MAG: variants seen among roughly 807,000 people sequenced by gnomAD.
MAG encodes myelin-associated glycoprotein.
A neutral mutation model predicts 60.7 loss-of-function variants in MAG; 30 were observed. The observed-to-expected ratio is 0.49, with a 90% confidence interval of 0.37 to 0.67. The LOEUF (loss-of-function observed/expected upper bound fraction) is 0.67, where lower values mean the gene tolerates loss of function less well. Ranked by LOEUF, MAG falls within the 30% of genes least tolerant of loss-of-function variation. The pLI, the probability that MAG is intolerant of heterozygous loss-of-function variation, is 0.00. For synonymous variants in MAG, 384 were observed against 376.8 expected, an observed-to-expected ratio of 1.02 and a Z score of -0.22; for missense variants, 795 against 851.7, an observed-to-expected ratio of 0.93 and a Z score of 0.83.
chr19:35,299,784 G>A lies in MAG; in HGVS notation c.646G>A (p.Gly216Ser). Residue 216 changes from glycine (G) to serine (S), a missense_variant, in exon 5 of 11, where the codon GGC (glycine) becomes AGC (serine). Gly to Ser is a moderately conservative substitution (Grantham distance 56). Coordinates refer to ENST00000392213, the MANE Select transcript of MAG (RefSeq NM_002361.4). ...GAGGGAGGCCAACGGCCACAGGCTG[G>A]GCTGCCAGGCCTCCTTCCCCAACAC... ...PTREANGHRL[G>S]CQASFPNTTL... 1 of 1,544,604 alleles carries A rather than the reference G, an allele frequency of 6.5e-7. No homozygotes were observed. The highest frequency in any genetic ancestry group is 2.4e-5 in the East Asian group (1 of 41,330).
At chr19:35,312,097 G>C in intron 10 of MAG, 80 bp downstream of exon 10, 1 of 1,411,110 alleles carries the variant, frequency 7.1e-7, no homozygotes, top group Non-Finnish European at 1.0e-6. Context: ...GTGAGGCCAA[G>C]GGGCAGGGGA....
chr19:35,305,454 T>G (rs1349963614), intron 7 of MAG, among the ~76,000 whole-genome samples: 1 of 152,182 alleles, frequency 6.6e-6, no homozygotes, highest in Non-Finnish European at 1.5e-5. Flanking sequence ...ACCATGTGAT[T>G]GAGGGGAGGG....
intron 4 of MAG, among the ~76,000 whole-genome samples, chr19:35,299,253 C>T (rs1434189130): frequency 1.3e-5 from 2 of 152,200 alleles, no homozygotes; most frequent in Non-Finnish European, 2.9e-5. Flanking sequence ...AGCAAAATTA[C>T]AGTCCTCACC....
chr19:35,302,818 G>C, intron 7 of MAG, 110 bp downstream of exon 7: 1 of 1,343,878 alleles, frequency 7.4e-7, no homozygotes, highest in Admixed American at 2.1e-5. Context: ...CCTGTCCTCC[G>C]CAGAGACAAG....
At chr19:35,292,370 C>T (rs886723044) in intron 1 of MAG, among the ~76,000 whole-genome samples, 166 bp downstream of exon 1, 5 of 151,972 alleles carry the variant, frequency 3.3e-5, no homozygotes, top group South Asian at 2.1e-4. Flanking sequence ...GGGATGGGCT[C>T]GGACCATCGC....
chr19:35,305,357 A>C (rs1384220204), intron 7 of MAG, among the ~76,000 whole-genome samples: 1 of 152,226 alleles, frequency 6.6e-6, no homozygotes, highest in Non-Finnish European at 1.5e-5. Flanking sequence ...CGGGGCATGC[A>C]GGAAGTGTGC....
intron 7 of MAG, among the ~76,000 whole-genome samples, chr19:35,304,912 G>A (rs1174810605): frequency 4.6e-5 from 7 of 152,108 alleles, no homozygotes; most frequent in African/African-American, 1.2e-4. Context: ...CTTTACCAAG[G>A]AGAAAACTCA....
At chr19:35,303,437 C>T (rs574859478) in intron 7 of MAG, among the ~76,000 whole-genome samples, 10 of 152,140 alleles carry the variant, frequency 6.6e-5, no homozygotes, top group African/African-American at 2.4e-4. Context: ...GAGAAGGAAA[C>T]TGAGACCCAG....
At chr19:35,292,644 G>GGTGTGTGTGTGTGT (rs74172714) in intron 1 of MAG, among the ~76,000 whole-genome samples, 1 of 149,996 alleles carries the variant, frequency 6.7e-6, no homozygotes, top group South Asian at 2.1e-4. Context: ...GCACATAGCA[G>GGTGTGTGTGTGTGT]GTGTGTGTGT....
rs776657716 is a variant in MAG, at chr19:35,310,099, T to C, written c.1457T>C (p.Val486Ala). The C allele has an allele frequency of 1.2e-5, 19 of 1,612,752 alleles. No individual in the cohort carries two copies. The South Asian group carries it at 1.5e-4, about 13-fold the overall frequency. Residue 486 changes from valine to alanine, a missense_variant, in exon 8 of 11, where the codon GTC (valine) becomes GCC (alanine). Val to Ala is a moderately conservative substitution (Grantham distance 64). Coordinates refer to ENST00000392213, the MANE Select transcript of MAG (RefSeq NM_002361.4). ...LRGQAQAPPR[V>A]ICTARNLYGA... is the part of the protein sequence containing the mutation. ...GGGCAGGCCCAGGCCCCGCCCCGCG[T>C]CATCTGCACCGCGAGGAACCTCTAT...
rs1400463320 is a variant in MAG at position 35,293,688 on chromosome 19, G to C, written c.-79-547G>C. Among the ~76,000 whole-genome samples the C allele has an allele frequency of 3.3e-5, 5 of 151,988 alleles. No individual in the cohort carries two copies. The highest frequency in any genetic ancestry group is 7.4e-5 in the Non-Finnish European group (5 of 67,982). On this transcript the variant is annotated intron_variant, in intron 1 of 10. Coordinates refer to ENST00000392213, the MANE Select transcript of MAG (RefSeq NM_002361.4). This position sits in a 1 kb window ranked among gnomAD's most constrained non-coding sequence, Gnocchi z 4.0. ...TGGGCCTTCCTGGCCCTGCTCAAAG[G>C]CCAGCCAGGAGTGCCTGACCCCTTT...
chr19:35,311,997 G>T lies in MAG; in HGVS notation c.1696G>T (p.Gly566Trp). The change falls in exon 10 of 11, where the codon GGG becomes TGG. Residue 566 changes from glycine to tryptophan, a missense_variant. Physicochemically the swap from Gly to Trp is radical, Grantham distance 184 (BLOSUM62 -2). Coordinates refer to ENST00000392213, the MANE Select transcript of MAG (RefSeq NM_002361.4). The stretch of plus-strand genomic sequence containing the variant: ...GTTCAGCAGCGACTTCCGCATCTCT[G>T]GGGCACCAGAGAAGTACGAGGTAAG... ...VLFSSDFRIS[G>W]APEKYESERR... The T allele has an allele frequency of 5.6e-6, 9 of 1,612,808 alleles. No homozygotes were observed. Among genetic ancestry groups the T allele is most frequent in the Non-Finnish European group, 7.6e-6 (9 of 1,179,412 alleles).
chr19:35,305,295 C>A (rs1239693498), intron 7 of MAG, among the ~76,000 whole-genome samples: 1 of 152,140 alleles, frequency 6.6e-6, no homozygotes, highest in East Asian at 1.9e-4. Flanking sequence ...TGGTGGTGAC[C>A]CTTGAGCAGG....
intron 6 of MAG, among the ~76,000 whole-genome samples, chr19:35,301,892 T>TC (rs1449929813): frequency 7.2e-6 from 1 of 138,078 alleles, no homozygotes; most frequent in Non-Finnish European, 1.5e-5. Flanking sequence ...CATGCAATCT[T>TC]CCCCCCGGCA....
At chr19:35,307,276 G>A (rs975075112) in intron 7 of MAG, among the ~76,000 whole-genome samples, 7 of 152,170 alleles carry the variant, frequency 4.6e-5, no homozygotes, top group African/African-American at 1.2e-4. Context: ...CATTCCTGCC[G>A]TGAATCCGTG....
intron 8 of MAG, 100 bp downstream of exon 8, chr19:35,310,261 G>A: frequency 7.2e-7 from 1 of 1,392,238 alleles, no homozygotes; most frequent in Non-Finnish European, 9.7e-7. Flanking sequence ...CATGGGCTAT[G>A]CAGATTGACA....
In MAG at chr19:35,295,954, T is replaced by A. The variant is rs1363819458; in HGVS notation, c.388T>A (p.Ser130Thr). ...DLGGYNQYTFSEHSVLDIVNT... is the reference protein window; with the variant it reads ...DLGGYNQYTFTEHSVLDIVNT... ...GGGCGGCTACAACCAGTACACCTTC[T>A]CAGAGCACAGCGTCCTGGATATCGT... The change falls in exon 4 of 11, where the codon TCA becomes ACA. Residue 130 changes from serine (S) to threonine (T), a missense_variant. Coordinates refer to ENST00000392213, the MANE Select transcript of MAG (RefSeq NM_002361.4). This position sits in a 1 kb window ranked among gnomAD's most constrained non-coding sequence, Gnocchi z 5.8. 5 of 1,606,010 alleles carry A rather than the reference T, an allele frequency of 3.1e-6. No individual in the cohort carries two copies. Among genetic ancestry groups the A allele is most frequent in the Non-Finnish European group, 4.3e-6 (5 of 1,175,960 alleles).
intron 9 of MAG, among the ~76,000 whole-genome samples, chr19:35,311,486 C>T (rs1034117014): frequency 6.6e-5 from 10 of 152,132 alleles, no homozygotes; most frequent in African/African-American, 2.4e-4. Flanking sequence ...AACAGACAGA[C>T]AGACAGACAG....
Position 35,295,471 on chromosome 19 carries a change from G to T in MAG, c.46+17G>T. 1 of 1,614,050 alleles carries T rather than the reference G, an allele frequency of 6.2e-7. No individual in the cohort carries two copies. The highest frequency in any genetic ancestry group is 8.5e-7 in the Non-Finnish European group (1 of 1,179,996). ...TGATTTCAGGTAACGGCTGACAGGT[G>T]CTGGGGACCTAAAGGCTTTGGCCCC... is the stretch of plus-strand genomic sequence containing the variant. On this transcript the variant is annotated intron_variant, in intron 3 of 10. Transcript: ENST00000392213. The surrounding 1 kb of genome is among the most constrained non-coding windows in gnomAD (Gnocchi z 5.8).
Sources: gnomAD v4.1 joint callset for allele counts (sites outside exome capture counted in the v4.1 genomes callset) on GRCh38, gnomAD v4.1.1 for gene constraint, Gnocchi (gnomAD v3.1) non-coding constraint, MANE v1.5 for transcripts, NCBI Gene and HGNC (gene_info 2026-07-23, HGNC 2026-07-21) for gene names.